UBE2QL1: variants seen among roughly 807,000 people sequenced by gnomAD.
UBE2QL1 encodes the protein ubiquitin-conjugating enzyme E2Q-like protein 1.
UBE2QL1 carries 5 observed loss-of-function variants against 12.6 expected under a neutral mutation model. The observed-to-expected ratio is 0.40, with a 90% confidence interval of 0.21 to 0.83. UBE2QL1 has a LOEUF of 0.83. Ranked by LOEUF, UBE2QL1 falls within the 40% of genes least tolerant of loss-of-function variation. UBE2QL1 has a pLI of 0.37. For missense variants in UBE2QL1, 99 were observed against 222.6 expected (o/e 0.44, Z 3.53); for synonymous variants, 96 against 94.5 (o/e 1.02, Z -0.10).
rs182248619 is a variant in UBE2QL1, at chr5:6,490,015, C to T, written c.355-1203C>T. Among the ~76,000 whole-genome samples, 226 of 152,356 alleles carry T rather than the reference C, an allele frequency of 1.5e-3. 2 individuals carry two copies. The highest frequency in any genetic ancestry group is 0.013 in the Admixed American group (201 of 15,306). ...CAGGCGATGGTTGGTAATTATGCGC[C>T]TGCCAGTACATAAAGCTCAGCCAGT... On this transcript the variant is annotated intron_variant, in intron 1 of 1. Transcript: ENST00000399816.
intron 1 of UBE2QL1, among the ~76,000 whole-genome samples, chr5:6,464,144 A>G (rs1426440501): frequency 6.6e-6 from 1 of 152,178 alleles, no homozygotes; most frequent in African/African-American, 2.4e-5. Context: ...GTAATTAAGT[A>G]GAATTGGGAA....
At chr5:6,482,514 TC>T (rs1734382813) in intron 1 of UBE2QL1, among the ~76,000 whole-genome samples, 1 of 151,320 alleles carries the variant, frequency 6.6e-6, no homozygotes, top group East Asian at 1.9e-4. Context: ...TGAACCACCT[TC>T]CCCTGGAAGT....
chr5:6,485,507 A>C (rs960873384), intron 1 of UBE2QL1, among the ~76,000 whole-genome samples: 3 of 152,194 alleles, frequency 2.0e-5, no homozygotes, highest in African/African-American at 4.8e-5. Flanking sequence ...AGTGAGCTTT[A>C]ATTTTTGCCC....
At chr5:6,472,879 T>G (rs1039039041) in intron 1 of UBE2QL1, among the ~76,000 whole-genome samples, 1 of 152,202 alleles carries the variant, frequency 6.6e-6, no homozygotes, top group African/African-American at 2.4e-5. Flanking sequence ...CCCACTGGCT[T>G]TAGAGCTTTT....
intron 1 of UBE2QL1, among the ~76,000 whole-genome samples, chr5:6,473,929 A>G (rs1479201161): frequency 2.0e-5 from 3 of 152,228 alleles, no homozygotes; most frequent in African/African-American, 7.2e-5. Flanking sequence ...GGAAAAGGGC[A>G]GTTTTGATGA....
At chr5:6,463,609 T>TATTATTATTATC (rs1363243636) in intron 1 of UBE2QL1, among the ~76,000 whole-genome samples, 3 of 146,190 alleles carry the variant, frequency 2.1e-5, no homozygotes, top group African/African-American at 7.5e-5. Context: ...TTATTATTAT[T>TATTATTATTATC]ATTATTATTA....
intron 1 of UBE2QL1, among the ~76,000 whole-genome samples, chr5:6,464,242 C>A (rs1336388620): frequency 6.6e-6 from 1 of 152,196 alleles, no homozygotes; most frequent in Non-Finnish European, 1.5e-5. Context: ...ACATTTGGCA[C>A]CTGCTAACCA....
chr5:6,477,116 G>A (rs1010913800), intron 1 of UBE2QL1, among the ~76,000 whole-genome samples: 5 of 152,106 alleles, frequency 3.3e-5, no homozygotes, highest in African/African-American at 9.7e-5. Flanking sequence ...ACACTCTCAG[G>A]GCCAGTGATC....
At chr5:6,463,458 C>A (rs1258889497) in intron 1 of UBE2QL1, among the ~76,000 whole-genome samples, 1 of 152,026 alleles carries the variant, frequency 6.6e-6, no homozygotes, top group Non-Finnish European at 1.5e-5. Flanking sequence ...GGTGGCCTCA[C>A]TTTTCTGCGT....
rs1168704526 is a variant in UBE2QL1, at chr5:6,493,964, G to A, written c.*2615G>A. 6.6e-6 allele frequency: 1 copy of A among 152,252 alleles called. No individual in the cohort carries two copies. Among genetic ancestry groups the A allele is most frequent in the East Asian group, 1.9e-4 (1 of 5,174 alleles). 9.4% of individuals were successfully genotyped at this position (152,252 alleles called of 1,614,324 possible). ...GGGGCCACGTTCCCACACAAGCCAAGGAACCTATTCCTCTTTGGACAGACA... is the reference window on the plus strand; with the variant it reads ...GGGGCCACGTTCCCACACAAGCCAAAGAACCTATTCCTCTTTGGACAGACA... On this transcript the variant is annotated 3_prime_UTR_variant, in exon 2 of 2. Transcript: ENST00000399816.
At chr5:6,465,517 A>G (rs768787455) in intron 1 of UBE2QL1, among the ~76,000 whole-genome samples, 5 of 152,208 alleles carry the variant, frequency 3.3e-5, no homozygotes, top group Non-Finnish European at 7.3e-5. Context: ...AATTTTCTCC[A>G]AGACCCAATC....
chr5:6,454,669 A>G (rs1024328541), intron 1 of UBE2QL1, among the ~76,000 whole-genome samples: 2 of 152,164 alleles, frequency 1.3e-5, no homozygotes, highest in Admixed American at 6.5e-5. Context: ...TGTTGCCCGC[A>G]GCTTTGAGCA....
chr5:6,489,512 A>T (rs1048690429), intron 1 of UBE2QL1, among the ~76,000 whole-genome samples: 1 of 152,200 alleles, frequency 6.6e-6, no homozygotes, highest in African/African-American at 2.4e-5. Flanking sequence ...AACCAGAGGG[A>T]TATCCAGAGC....
chr5:6,457,036 GTC>G (rs1378770261), intron 1 of UBE2QL1, among the ~76,000 whole-genome samples: 2 of 151,610 alleles, frequency 1.3e-5, no homozygotes, highest in Non-Finnish European at 2.9e-5. Context: ...CCCCCATCCA[GTC>G]TCTCTGTCCC....
intron 1 of UBE2QL1, among the ~76,000 whole-genome samples, chr5:6,454,454 C>T (rs1420445158): frequency 1.3e-5 from 2 of 152,176 alleles, no homozygotes; most frequent in African/African-American, 4.8e-5. Flanking sequence ...CTCTTAAAAA[C>T]CCTGTCTCCA....
chr5:6,465,029 C>T (rs1739756316), intron 1 of UBE2QL1, among the ~76,000 whole-genome samples: 1 of 150,940 alleles, frequency 6.6e-6, no homozygotes, highest in South Asian at 2.1e-4. Flanking sequence ...ACTCTGCCAA[C>T]CAGACTGGAG....
chr5:6,487,097 A>C (rs537533592), intron 1 of UBE2QL1, among the ~76,000 whole-genome samples: 1 of 152,366 alleles, frequency 6.6e-6, no homozygotes, highest in Non-Finnish European at 1.5e-5. Context: ...ACATTGAATG[A>C]ATGCATAAAT....
In UBE2QL1 at chr5:6,465,622, G is replaced by C. The variant is rs899351606; in HGVS notation, c.354+16375G>C. Among the ~76,000 whole-genome samples, 380 of 152,256 alleles carry C rather than the reference G, an allele frequency of 2.5e-3. 4 individuals are homozygous for C. The highest frequency in any genetic ancestry group is 8.7e-3 in the African/African-American group (361 of 41,534). On this transcript the variant is annotated intron_variant, in intron 1 of 1. Transcript: ENST00000399816. ...TCGTTTCAACAGGGACTCTTGGGGG[G>C]GCTCTGGGATGCTTCGGGTGCCCCT...
intron 1 of UBE2QL1, among the ~76,000 whole-genome samples, chr5:6,462,519 C>T (rs1396001925): frequency 1.3e-5 from 2 of 152,218 alleles, no homozygotes; most frequent in Non-Finnish European, 2.9e-5. Flanking sequence ...GGCCCAGCTC[C>T]TCCTGCTCCT....
Sources: gnomAD v4.1 joint callset for allele counts (sites outside exome capture counted in the v4.1 genomes callset) on GRCh38, gnomAD v4.1.1 for gene constraint, MANE v1.5 for transcripts, NCBI Gene and HGNC (gene_info 2026-07-23, HGNC 2026-07-21) for gene names.